TMEM67: variants seen among roughly 807,000 people sequenced by gnomAD.
TMEM67 encodes meckelin.
Under a neutral mutation model 136.6 loss-of-function variants are expected in TMEM67, and 124 were observed. That is an observed-to-expected ratio of 0.91 (90% CI 0.78 to 1.05). TMEM67 has a LOEUF of 1.05. TMEM67 is among the 50% of genes least tolerant of loss of function. The pLI is 0.00. For synonymous variants in TMEM67, 364 were observed against 390.5 expected, an observed-to-expected ratio of 0.93 and a Z score of 0.80; for missense variants, 1,107 against 1,178.4, an observed-to-expected ratio of 0.94 and a Z score of 0.89.
intron 6 of TMEM67, 95 bp downstream of exon 6, chr8:93,765,741 T>C: frequency 2.5e-6 from 2 of 811,102 alleles, no homozygotes; most frequent in Non-Finnish European, 4.3e-6. Flanking sequence ...CCCTTTTGTG[T>C]AAATCATTTT....
At chr8:93,818,827 G>C (rs1808991901), downstream of TMEM67, among the ~76,000 whole-genome samples, 2 of 152,012 alleles carry the variant, frequency 1.3e-5, no homozygotes, top group Admixed American at 1.3e-4. Context: ...AGAGAGATGG[G>C]GTCTCACTCT....
chr8:93,754,934 CT>C lies in TMEM67; in HGVS notation c.21del (p.Val9TrpfsTer14). 1.9e-6 allele frequency: 3 copies of C among 1,613,948 alleles called. No individual in the cohort carries two copies. The highest frequency in any genetic ancestry group is 1.7e-6 in the Non-Finnish European group (2 of 1,180,026). ...GGTACCATGGCGACGCGCGGTGGGGCTGGGGTGGCAATGGCGGTTTGGTCCC... is the reference window on the plus strand; with the variant it reads ...GGTACCATGGCGACGCGCGGTGGGGCGGGGTGGCAATGGCGGTTTGGTCCC... MATRGG[A>X]GVAMAVWSLL... On this transcript the variant is annotated frameshift_variant, in exon 1 of 28. Coordinates refer to ENST00000453321, the MANE Select transcript of TMEM67 (RefSeq NM_153704.6). LOFTEE classifies it high-confidence loss of function.
intron 18 of TMEM67, 79 bp from the exon 19 acceptor site, chr8:93,797,055 C>A: frequency 1.2e-6 from 1 of 836,028 alleles, no homozygotes; most frequent in Non-Finnish European, 2.1e-6. Flanking sequence ...CAGTATGTTT[C>A]TTAAAGAGTC....
At chr8:93,827,579 C>CTTTTTTTTTT in the TMEM67 span, among the ~76,000 whole-genome samples, 5 of 136,470 alleles carry the variant, frequency 3.7e-5, no homozygotes, top group South Asian at 2.4e-4. Flanking sequence ...TGTATTTTTT[C>CTTTTTTTTTT]TTTTTTTTTT....
At chr8:93,811,121 A>G (rs772099283) in intron 26 of TMEM67, among the ~76,000 whole-genome samples, 1 of 152,246 alleles carries the variant, frequency 6.6e-6, no homozygotes, top group Non-Finnish European at 1.5e-5. Context: ...TTAACAGACT[A>G]TGGAAGACAG....
the TMEM67 span, among the ~76,000 whole-genome samples, chr8:93,831,845 G>T: frequency 6.6e-6 from 1 of 152,128 alleles, no homozygotes; most frequent in Non-Finnish European, 1.5e-5. Context: ...TGCAGCTATT[G>T]TTCTTCTACC....
chr8:93,795,213 G>A, intron 16 of TMEM67, 196 bp from the exon 17 acceptor site: 1 of 615,742 alleles, frequency 1.6e-6, no homozygotes, highest in Non-Finnish European at 2.9e-6. Context: ...ACCAGGAACG[G>A]CCAGAAAGGT....
intron 3 of TMEM67, chr8:93,759,814 A>T: frequency 2.2e-6 from 1 of 463,104 alleles, no homozygotes; most frequent in Non-Finnish European, 3.9e-6. Flanking sequence ...ACACCTGGCT[A>T]ATTTTATATT....
chr8:93,800,294 G>A (rs1353486394), intron 21 of TMEM67, among the ~76,000 whole-genome samples: 3 of 152,062 alleles, frequency 2.0e-5, no homozygotes, highest in Non-Finnish European at 2.9e-5. Flanking sequence ...GGCTAAGATC[G>A]AGTGTAATTA....
chr8:93,767,863 C>CTTTT (rs200241819), intron 6 of TMEM67, among the ~76,000 whole-genome samples: 1 of 109,916 alleles, frequency 9.1e-6, no homozygotes, highest in African/African-American at 3.7e-5. Flanking sequence ...TTTCTTTTTT[C>CTTTT]TTTTTTTTTT....
intron 23 of TMEM67, 26 bp downstream of exon 23, chr8:93,804,904 G>T: frequency 7.7e-7 from 1 of 1,292,382 alleles, no homozygotes; most frequent in Non-Finnish European, 1.1e-6. Context: ...ACATCTTTTT[G>T]TTTTTAAGTT....
At chr8:93,789,210 C>T (rs1814259886) in intron 14 of TMEM67, among the ~76,000 whole-genome samples, 1 of 152,122 alleles carries the variant, frequency 6.6e-6, no homozygotes, top group Non-Finnish European at 1.5e-5. Context: ...TTGTACTTGA[C>T]TGCTATTGGA....
intron 21 of TMEM67, among the ~76,000 whole-genome samples, chr8:93,801,737 G>C (rs1814880110): frequency 6.6e-6 from 1 of 152,114 alleles, no homozygotes; most frequent in African/African-American, 2.4e-5. Flanking sequence ...TTAGGTCCAG[G>C]TGGTGGTATT....
At position 93,791,315 on chromosome 8, in the gene TMEM67, C is replaced by T. The variant is rs1003991111; in HGVS notation, c.1571C>T (p.Thr524Ile). 6.3e-7 allele frequency: 1 copy of T among 1,591,938 alleles called. No individual in the cohort carries two copies. The highest frequency in any genetic ancestry group is 2.2e-5 in the East Asian group (1 of 44,628). Residue 524 changes from threonine to isoleucine, a missense_variant, in exon 15 of 28, where the codon ACA becomes ATA. Transcript: ENST00000453321. Reference sequence around the variant, plus strand: ...GATCATGGAGAAGCACATGTCCAGACAGATGTAAGTTTATTTTAACCTTTT... The same window carrying T: ...GATCATGGAGAAGCACATGTCCAGATAGATGTAAGTTTATTTTAACCTTTT... Reference protein sequence around the residue: ...EMDHGEAHVQTDIALGVLGGL... With the variant: ...EMDHGEAHVQIDIALGVLGGL...
chr8:93,814,926 T>A (rs181898265), intron 26 of TMEM67, among the ~76,000 whole-genome samples: 1 of 152,220 alleles, frequency 6.6e-6, no homozygotes. Flanking sequence ...ATGTACTTAC[T>A]CTATGCCTTG....
chr8:93,806,100 G>A (rs547280834), intron 23 of TMEM67, among the ~76,000 whole-genome samples: 1 of 152,194 alleles, frequency 6.6e-6, no homozygotes, highest in African/African-American at 2.4e-5. Context: ...CAGGTCTGGA[G>A]TATAGGCTGC....
chr8:93,799,268 A>G (rs1005964879), intron 20 of TMEM67, among the ~76,000 whole-genome samples: 6 of 152,174 alleles, frequency 3.9e-5, no homozygotes, highest in Admixed American at 1.3e-4. Flanking sequence ...GCACATGTCA[A>G]ATACTCATGA....
chr8:93,798,778 A>G (rs1020265901), intron 20 of TMEM67, among the ~76,000 whole-genome samples: 3 of 152,188 alleles, frequency 2.0e-5, no homozygotes, highest in Non-Finnish European at 4.4e-5. Context: ...CAAGACTTCC[A>G]AAGTTCACTT....
At chr8:93,784,249 G>C (rs567313496) in intron 11 of TMEM67, among the ~76,000 whole-genome samples, 1 of 152,066 alleles carries the variant, frequency 6.6e-6, no homozygotes, top group Non-Finnish European at 1.5e-5. Context: ...ACATAGGCCA[G>C]AAAGATCAAC....
Sources: allele counts gnomAD v4.1 joint callset (sites outside exome capture counted in the v4.1 genomes callset), GRCh38; gene constraint gnomAD v4.1.1; transcripts MANE v1.5; gene names NCBI Gene and HGNC (gene_info 2026-07-23, HGNC 2026-07-21).